CHST9: variants seen among roughly 807,000 people sequenced by gnomAD.
CHST9 encodes GalNAc-4-sulfotransferase 2.
A neutral mutation model predicts 44.4 loss-of-function variants in CHST9; 41 were observed. The observed-to-expected ratio is 0.92, with a 90% confidence interval of 0.72 to 1.20. The LOEUF is 1.20. Among genes scored for constraint, CHST9 ranks in the 50% most tolerant of loss-of-function variants. The pLI, the probability that CHST9 is intolerant of heterozygous loss-of-function variation, is 0.00. For synonymous variants in CHST9, 171 were observed against 178.4 expected, an observed-to-expected ratio of 0.96 and a Z score of 0.33; for missense variants, 504 against 516.5, an observed-to-expected ratio of 0.98 and a Z score of 0.23.
At chr18:27,038,009 C>T (rs1363784647) in intron 3 of CHST9, among the ~76,000 whole-genome samples, 1 of 152,082 alleles carries the variant, frequency 6.6e-6, no homozygotes, top group African/African-American at 2.4e-5. Flanking sequence ...TAGGACATTA[C>T]TGGTACTTTA....
At chr18:26,979,836 T>C (rs1359433295) in intron 4 of CHST9, among the ~76,000 whole-genome samples, 2 of 152,184 alleles carry the variant, frequency 1.3e-5, no homozygotes, top group African/African-American at 2.4e-5. Flanking sequence ...TGATAAACTA[T>C]AATTTCCTTA....
At position 26,909,414 on chromosome 18, in the gene CHST9, A is replaced by G. The variant is rs2055410695; in HGVS notation, c.*6845T>C. 6.6e-6 allele frequency: 1 copy of G among 152,164 alleles called. No individual in the cohort carries two copies. Among genetic ancestry groups the G allele is most frequent in the Non-Finnish European group, 1.5e-5 (1 of 68,028 alleles). The allele number at this position is 152,164 out of a possible 1,614,324, so 9.4% of individuals were successfully genotyped here. A position where few individuals can be genotyped will look rare whatever the true frequency, so the allele number is the denominator to read the frequency against. On this transcript the variant is annotated 3_prime_UTR_variant, in exon 6 of 6. Coordinates refer to ENST00000618847, the MANE Select transcript of CHST9 (RefSeq NM_031422.6). Reference sequence around the variant, plus strand: ...CTGTGTATCTTGGATGGGGTCTGGGAATATGTTTTTAACAAAAATTAGGTT... The same window carrying G: ...CTGTGTATCTTGGATGGGGTCTGGGGATATGTTTTTAACAAAAATTAGGTT...
intron 2 of CHST9, among the ~76,000 whole-genome samples, chr18:27,072,221 C>T (rs2057848393): frequency 6.6e-6 from 1 of 152,216 alleles, no homozygotes; most frequent in African/African-American, 2.4e-5. Flanking sequence ...AGCCTCATTT[C>T]CTTGTGTCTG....
chr18:27,041,889 A>C (rs999835144), intron 3 of CHST9, among the ~76,000 whole-genome samples: 3 of 152,186 alleles, frequency 2.0e-5, no homozygotes, highest in Non-Finnish European at 2.9e-5. Context: ...ATTTTGAGGA[A>C]GGGAAAACGC....
intron 5 of CHST9, chr18:26,936,458 T>G (rs1234161435): frequency 1.3e-5 from 2 of 152,156 alleles, no homozygotes; most frequent in African/African-American, 4.8e-5. Context: ...TCAAACATGA[T>G]GACAAGTGGG....
At chr18:27,089,915 G>A (rs1487782349) in intron 2 of CHST9, among the ~76,000 whole-genome samples, 20 of 149,582 alleles carry the variant, frequency 1.3e-4, no homozygotes, top group East Asian at 4.0e-4. Flanking sequence ...GGTTCACGCC[G>A]TTCTCCTGCC....
At chr18:27,065,084 A>G (rs996215289) in intron 2 of CHST9, among the ~76,000 whole-genome samples, 10 of 152,358 alleles carry the variant, frequency 6.6e-5, no homozygotes, top group Admixed American at 3.9e-4. Context: ...AAACATCTTA[A>G]TATTTCATCT....
At chr18:27,010,241 G>T (rs1012513145) in intron 4 of CHST9, among the ~76,000 whole-genome samples, 2 of 152,030 alleles carry the variant, frequency 1.3e-5, no homozygotes, top group African/African-American at 2.4e-5. Flanking sequence ...TAGCCCTGGG[G>T]ACTTAAGGGA....
intron 4 of CHST9, among the ~76,000 whole-genome samples, chr18:26,950,910 C>T (rs1228641988): frequency 6.6e-6 from 1 of 152,084 alleles, no homozygotes; most frequent in Non-Finnish European, 1.5e-5. Context: ...TAAAACTAGT[C>T]TTTTTTGTCT....
chr18:26,928,005 C>T (rs927105142), intron 5 of CHST9, among the ~76,000 whole-genome samples: 5 of 149,056 alleles, frequency 3.4e-5, no homozygotes, highest in South Asian at 2.1e-4. Context: ...TTTAACAGCA[C>T]GCTGCCTTCA....
intron 1 of CHST9, among the ~76,000 whole-genome samples, chr18:27,155,575 T>A (rs1435868438): frequency 1.3e-5 from 2 of 152,198 alleles, no homozygotes; most frequent in African/African-American, 4.8e-5. Flanking sequence ...GAACAACTCA[T>A]AACAAATCTG....
At chr18:27,045,586 C>T (rs2057490328) in intron 3 of CHST9, among the ~76,000 whole-genome samples, 1 of 151,934 alleles carries the variant, frequency 6.6e-6, no homozygotes, top group Non-Finnish European at 1.5e-5. Flanking sequence ...ATCATTATAT[C>T]ACCATATATT....
At chr18:27,040,884 C>G (rs1052988210) in intron 3 of CHST9, among the ~76,000 whole-genome samples, 6 of 152,122 alleles carry the variant, frequency 3.9e-5, no homozygotes, top group African/African-American at 1.4e-4. Flanking sequence ...TGACTTAACA[C>G]TCCTTGCACA....
At chr18:26,919,683 C>T (rs2055610106) in intron 5 of CHST9, among the ~76,000 whole-genome samples, 1 of 152,090 alleles carries the variant, frequency 6.6e-6, no homozygotes, top group African/African-American at 2.4e-5. Flanking sequence ...GGTCTCTTCT[C>T]TGCTTGACAA....
At chr18:27,175,183 C>T (rs1465311939) in intron 1 of CHST9, among the ~76,000 whole-genome samples, 1 of 151,766 alleles carries the variant, frequency 6.6e-6, no homozygotes, top group Non-Finnish European at 1.5e-5. Context: ...TCAATTTCAC[C>T]TATTTTTTTC....
intron 3 of CHST9, among the ~76,000 whole-genome samples, chr18:27,047,601 T>C (rs1212177451): frequency 6.6e-6 from 1 of 152,112 alleles, no homozygotes; most frequent in Non-Finnish European, 1.5e-5. Flanking sequence ...TGTCTTCTAT[T>C]GACTATGCTG....
At chr18:26,944,464 G>T in intron 4 of CHST9, 98 bp from the exon 5 acceptor site, 1 of 800,546 alleles carries the variant, frequency 1.2e-6, no homozygotes. Flanking sequence ...CTTCCAAAGT[G>T]GTCATGGACT....
intron 2 of CHST9, among the ~76,000 whole-genome samples, chr18:27,089,296 C>T (rs1217674901): frequency 6.9e-6 from 1 of 145,840 alleles, no homozygotes; most frequent in African/African-American, 2.5e-5. Context: ...AGCCCCCCAC[C>T]CCCCGACATG....
intron 2 of CHST9, among the ~76,000 whole-genome samples, chr18:27,137,600 T>G (rs1346971620): frequency 6.6e-6 from 1 of 152,184 alleles, no homozygotes; most frequent in East Asian, 1.9e-4. Context: ...AGCTGTGGGC[T>G]CTGGGGAGAA....
Sources: gnomAD v4.1 joint callset for allele counts (sites outside exome capture counted in the v4.1 genomes callset) on GRCh38, gnomAD v4.1.1 for gene constraint, MANE v1.5 for transcripts, NCBI Gene and HGNC (gene_info 2026-07-23, HGNC 2026-07-21) for gene names.